Variants in HIVEP1 observed in about 807,000 individuals in gnomAD.
The protein encoded by HIVEP1 is zinc finger protein 40.
In HIVEP1, 36 loss-of-function variants were observed where a neutral mutation model predicts 180.0. The ratio of observed to expected loss-of-function variants is 0.20; its 90% confidence interval spans 0.15 to 0.26. The LOEUF is 0.26. HIVEP1 is among the 10% of genes least tolerant of loss of function. HIVEP1 has a pLI of 1.00. For synonymous variants in HIVEP1, 1,239 were observed against 1,239.0 expected (o/e 1.00, Z 0.00); for missense variants, 3,143 against 3,268.7 (o/e 0.96, Z 0.94).
intron 3 of HIVEP1, among the ~76,000 whole-genome samples, chr6:12,099,645 C>T (rs1248367064): frequency 6.6e-6 from 1 of 152,132 alleles, no homozygotes; most frequent in African/African-American, 2.4e-5. Flanking sequence ...GGTCTCCTCA[C>T]ATCTTCCCCT....
intron 3 of HIVEP1, among the ~76,000 whole-genome samples, chr6:12,092,037 A>AT (rs759681164): frequency 3.9e-5 from 6 of 152,194 alleles, no homozygotes; most frequent in Non-Finnish European, 8.8e-5. Flanking sequence ...TTTGACACAT[A>AT]TAAATTAATA....
chr6:12,097,000 C>T (rs905012926), intron 3 of HIVEP1, among the ~76,000 whole-genome samples: 1 of 151,902 alleles, frequency 6.6e-6, no homozygotes, highest in Non-Finnish European at 1.5e-5. Flanking sequence ...AATGAAAGCT[C>T]ATGTGGATAT....
intron 2 of HIVEP1, among the ~76,000 whole-genome samples, chr6:12,082,100 T>C (rs1012022026): frequency 4.6e-5 from 7 of 152,162 alleles, no homozygotes; most frequent in African/African-American, 1.4e-4. Flanking sequence ...TCTTTTCCTC[T>C]ACTTGCTCCT....
At chr6:12,169,571 A>T (rs1305184870), downstream of HIVEP1, among the ~76,000 whole-genome samples, 1 of 152,228 alleles carries the variant, frequency 6.6e-6, no homozygotes, top group Non-Finnish European at 1.5e-5. Context: ...GGACATGACA[A>T]TAGACCACAT....
At chr6:12,178,411 A>T in the HIVEP1 span, among the ~76,000 whole-genome samples, 1 of 152,244 alleles carries the variant, frequency 6.6e-6, no homozygotes, top group African/African-American at 2.4e-5. Flanking sequence ...CAACATGGCG[A>T]GACCCCATCT....
intron 2 of HIVEP1, among the ~76,000 whole-genome samples, chr6:12,072,700 A>G (rs181682032): frequency 1.3e-5 from 2 of 152,224 alleles, no homozygotes; most frequent in African/African-American, 4.8e-5. Flanking sequence ...CTTGTCTTCA[A>G]GTTCGTGACT....
At position 12,121,405 on chromosome 6, in the gene HIVEP1, G is replaced by T. The variant is rs542090941; in HGVS notation, c.1610G>T (p.Ser537Ile). 2 of 1,614,206 alleles carry T rather than the reference G, an allele frequency of 1.2e-6. No homozygotes were observed. Among genetic ancestry groups the T allele is most frequent in the Admixed American group, 3.3e-5 (2 of 60,022 alleles). ...TLLKSSFTPS[S>I]PENVIGDFLL... ...CTAAAATCAAGCTTCACTCCAAGCA[G>T]TCCAGAAAATGTGATAGGTGACTTT... The change falls in exon 4 of 9, where the codon AGT becomes ATT. Residue 537 changes from serine (S) to isoleucine (I), a missense_variant. Transcript: ENST00000379388. The surrounding 1 kb of genome is among the most constrained non-coding windows in gnomAD (Gnocchi z 5.3).
At chr6:12,020,126 C>A in intron 2 of HIVEP1, 1 of 285,380 alleles carries the variant, frequency 3.5e-6, no homozygotes. Flanking sequence ...AGACAGTGTC[C>A]GACTTGATGG....
At chr6:12,145,844 G>A (rs886518468) in intron 7 of HIVEP1, among the ~76,000 whole-genome samples, 4 of 152,038 alleles carry the variant, frequency 2.6e-5, no homozygotes, top group Non-Finnish European at 4.4e-5. Context: ...CAGCTCCTTA[G>A]GATTGTGCCT....
intron 2 of HIVEP1, among the ~76,000 whole-genome samples, chr6:12,057,997 A>T (rs1179470794): frequency 6.6e-6 from 1 of 152,142 alleles, no homozygotes; most frequent in African/African-American, 2.4e-5. Context: ...TTTGACTTGC[A>T]TGAGTAATTG....
chr6:12,096,333 G>T (rs1773780330), intron 3 of HIVEP1, among the ~76,000 whole-genome samples: 1 of 151,884 alleles, frequency 6.6e-6, no homozygotes, highest in African/African-American at 2.4e-5. Context: ...TGATAAGTGG[G>T]ATTTTTGTTA....
chr6:12,165,526 G>A (rs1760679619), downstream of HIVEP1, among the ~76,000 whole-genome samples: 1 of 152,188 alleles, frequency 6.6e-6, no homozygotes, highest in Non-Finnish European at 1.5e-5. Flanking sequence ...AATTACTTAA[G>A]TGACTCTCTT....
the HIVEP1 span, among the ~76,000 whole-genome samples, chr6:12,184,989 TGAAA>T: frequency 6.6e-6 from 1 of 152,212 alleles, no homozygotes; most frequent in Non-Finnish European, 1.5e-5. Context: ...GTAAAATTTC[TGAAA>T]GAAACATTTT....
intron 7 of HIVEP1, among the ~76,000 whole-genome samples, chr6:12,141,986 G>A (rs9369108): frequency 2.0e-5 from 3 of 151,838 alleles, no homozygotes; most frequent in Admixed American, 2.0e-4. Flanking sequence ...AAGACAGAAG[G>A]TTAACAAGGA....
chr6:12,022,996 T>C (rs1352979750), intron 2 of HIVEP1, among the ~76,000 whole-genome samples: 1 of 152,246 alleles, frequency 6.6e-6, no homozygotes, highest in East Asian at 1.9e-4. Context: ...TTGTCTTCAC[T>C]TAGTTCTCAA....
intron 6 of HIVEP1, among the ~76,000 whole-genome samples, chr6:12,134,287 A>T (rs908125065): frequency 6.6e-6 from 1 of 152,150 alleles, no homozygotes; most frequent in African/African-American, 2.4e-5. Context: ...TCCAGGTGTT[A>T]TCTCCAGAAT....
At chr6:12,047,323 G>A (rs954575988) in intron 2 of HIVEP1, among the ~76,000 whole-genome samples, 1 of 152,230 alleles carries the variant, frequency 6.6e-6, no homozygotes, top group African/African-American at 2.4e-5. Context: ...ATGTACATGA[G>A]CATTAAAAGA....
At chr6:12,018,344 G>A (rs1197402947) in intron 2 of HIVEP1, among the ~76,000 whole-genome samples, 3 of 152,240 alleles carry the variant, frequency 2.0e-5, no homozygotes, top group African/African-American at 7.2e-5. Context: ...ACAGTGCAGC[G>A]GCGGGCTGAA....
At chr6:12,168,068 T>TATACATATGTGTATATATACATATATAC (rs371056220), downstream of HIVEP1, among the ~76,000 whole-genome samples, 580 of 15,620 alleles carry the variant, frequency 0.037, 139 homozygotes, top group Admixed American at 0.065. Context: ...TATATACATA[T>TATACATATGTGTATATATACATATATAC]ATATGTGTAT....
Sources: allele counts gnomAD v4.1 joint callset (sites outside exome capture counted in the v4.1 genomes callset), GRCh38; gene constraint gnomAD v4.1.1; non-coding constraint Gnocchi (gnomAD v3.1); transcripts MANE v1.5; gene names NCBI Gene and HGNC (gene_info 2026-07-23, HGNC 2026-07-21).